Variants in BCO2 observed in about 807,000 individuals in gnomAD.
The protein encoded by BCO2 is carotenoid-cleaving dioxygenase, mitochondrial.
BCO2 carries 56 observed loss-of-function variants against 65.8 expected under a neutral mutation model. That is an observed-to-expected ratio of 0.85 (90% CI 0.69 to 1.06). The LOEUF is 1.06. Among genes scored for constraint, BCO2 ranks in the 50% least tolerant of loss-of-function variants. The probability of loss-of-function intolerance (pLI) is 0.00; values close to 1 mark genes in which losing one functional copy is unlikely to be tolerated. For synonymous variants in BCO2, 233 were observed against 242.3 expected (o/e 0.96, Z 0.36); for missense variants, 675 against 698.5 (o/e 0.97, Z 0.38).
intron 11 of BCO2, 56 bp from the exon 12 acceptor site, chr11:112,217,705 C>G: frequency 1.5e-6 from 2 of 1,326,792 alleles, no homozygotes; most frequent in South Asian, 2.5e-5. Flanking sequence ...GTGGAGGAGA[C>G]AGGCAAATTT....
chr11:112,182,769 G>A, intron 2 of BCO2: 2 of 597,950 alleles, frequency 3.3e-6, no homozygotes, highest in Non-Finnish European at 5.8e-6. Flanking sequence ...GAGTTAATGG[G>A]TGCAGCACAC....
intron 5 of BCO2, among the ~76,000 whole-genome samples, chr11:112,199,100 C>T (rs1279522769): frequency 6.6e-6 from 1 of 151,956 alleles, no homozygotes; most frequent in Non-Finnish European, 1.5e-5. Flanking sequence ...TAATGCTATC[C>T]CTCCCCTAGC....
chr11:112,193,647 A>G lies in BCO2; in HGVS notation c.467A>G (p.Asn156Ser). ...CTGGCTCTCCCGGATCCATGCAAGA[A>G]TGTTTTTGAACGTTTCATGTCCAGG... ...GTLALPDPCK[N>S]VFERFMSRFE... is the part of the protein sequence containing the mutation. Residue 156 changes from asparagine (N) to serine (S), a missense_variant, in exon 3 of 12, where the codon AAT becomes AGT. Coordinates refer to ENST00000357685, the MANE Select transcript of BCO2 (RefSeq NM_031938.7). The G allele has an allele frequency of 6.2e-7, 1 of 1,614,200 alleles. No homozygotes were observed. Among genetic ancestry groups the G allele is most frequent in the East Asian group, 2.2e-5 (1 of 44,888 alleles).
intron 8 of BCO2, among the ~76,000 whole-genome samples, chr11:112,206,550 G>A (rs1018987867): frequency 1.3e-5 from 2 of 152,192 alleles, no homozygotes; most frequent in Admixed American, 6.5e-5. Flanking sequence ...CTTGAGCCCA[G>A]CAGTTCAAGA....
intron 8 of BCO2, among the ~76,000 whole-genome samples, chr11:112,204,351 A>G (rs1867813444): frequency 6.6e-6 from 1 of 152,184 alleles, no homozygotes; most frequent in Admixed American, 6.5e-5. Context: ...ACTGTTATGA[A>G]TAATGCTACA....
Position 112,177,251 on chromosome 11 carries a change from T to G in BCO2, c.88+1562T>G, listed in dbSNP as rs191258271. ...CCTGAGAGTTTCCTTCTCTATCTTT[T>G]CAAAGCATCCTCTTTGTACTTCTGA... On this transcript the variant is annotated intron_variant, in intron 1 of 11. Coordinates refer to ENST00000357685, the MANE Select transcript of BCO2 (RefSeq NM_031938.7). Among the ~76,000 whole-genome samples the G allele has an allele frequency of 1.3e-3, 205 of 152,328 alleles. 1 individual carries two copies. The highest frequency in any genetic ancestry group is 4.6e-3 in the African/African-American group (192 of 41,576).
Position 112,179,267 on chromosome 11 carries a change from C to T in BCO2, c.89-11C>T, listed in dbSNP as rs1297656930. The T allele has an allele frequency of 6.2e-7, 1 of 1,613,470 alleles. No homozygotes were observed. Among genetic ancestry groups the T allele is most frequent in the South Asian group, 1.1e-5 (1 of 91,066 alleles). On this transcript the variant is annotated splice_polypyrimidine_tract_variant and intron_variant, in intron 1 of 11. Transcript: ENST00000357685. The stretch of plus-strand genomic sequence containing the variant: ...AAAATATTTTTTGTGCTTTTGGTTT[C>T]CTCTGCACAGTTTTCAAAAGGTACA...
intron 5 of BCO2, among the ~76,000 whole-genome samples, chr11:112,195,697 G>C (rs2135373073): frequency 6.6e-6 from 1 of 152,238 alleles, no homozygotes; most frequent in East Asian, 1.9e-4. Flanking sequence ...GTCTGCCTCG[G>C]TCTCCCAAAG....
chr11:112,212,367 A>T (rs993065830), intron 8 of BCO2, among the ~76,000 whole-genome samples: 1 of 152,226 alleles, frequency 6.6e-6, no homozygotes, highest in Admixed American at 6.5e-5. Context: ...CAGGCGAGGT[A>T]GCTCACGCCT....
intron 2 of BCO2, chr11:112,180,740 G>A (rs772802437): frequency 1.2e-6 from 1 of 835,876 alleles, no homozygotes; most frequent in Non-Finnish European, 2.1e-6. Flanking sequence ...TGGGAGGGTG[G>A]TGGCCCACTC....
intron 9 of BCO2, 90 bp from the exon 10 acceptor site, chr11:112,214,672 C>T: frequency 4.7e-6 from 5 of 1,072,146 alleles, no homozygotes; most frequent in South Asian, 1.5e-5. Flanking sequence ...TGTCACAAAC[C>T]TTTATAGGGT....
At position 112,210,657 on chromosome 11, in the gene BCO2, C is replaced by T. The variant is rs575637729; in HGVS notation, c.1195-3067C>T. On this transcript the variant is annotated intron_variant, in intron 8 of 11. Transcript: ENST00000357685. ...TGGCTATACCCTTATCAAAAAGTAG[C>T]GTGAAGGATCCTTGTGGTGATGGAT... 1.5e-4 allele frequency among the ~76,000 whole-genome samples: 23 copies of T among 152,062 alleles called. 1 individual carries two copies. Among genetic ancestry groups the T allele is most frequent in the African/African-American group, 4.3e-4 (18 of 41,484 alleles).
intron 7 of BCO2, among the ~76,000 whole-genome samples, chr11:112,201,556 A>G (rs559969683): frequency 1.3e-5 from 2 of 152,262 alleles, no homozygotes; most frequent in African/African-American, 4.8e-5. Context: ...ATATTTGCCT[A>G]CTTTTTACCT....
chr11:112,199,523 T>C (rs1429862278), intron 5 of BCO2, among the ~76,000 whole-genome samples, 176 bp from the exon 6 acceptor site: 1 of 152,222 alleles, frequency 6.6e-6, no homozygotes, highest in Non-Finnish European at 1.5e-5. Flanking sequence ...ATTATTTTCA[T>C]AGAGCTAACA....
chr11:112,199,184 C>G (rs1321068372), intron 5 of BCO2, among the ~76,000 whole-genome samples: 6 of 151,980 alleles, frequency 3.9e-5, no homozygotes, highest in Non-Finnish European at 8.8e-5. Context: ...GTTCAACTCC[C>G]ACTTATGAGT....
At chr11:112,180,110 T>A (rs974241499) in intron 2 of BCO2, among the ~76,000 whole-genome samples, 2 of 152,256 alleles carry the variant, frequency 1.3e-5, no homozygotes, top group Non-Finnish European at 2.9e-5. Context: ...TATTTGCTTT[T>A]AACCTACATA....
At chr11:112,204,899 A>G (rs1263752789) in intron 8 of BCO2, among the ~76,000 whole-genome samples, 1 of 152,210 alleles carries the variant, frequency 6.6e-6, no homozygotes, top group Non-Finnish European at 1.5e-5. Context: ...TCCTGACCTC[A>G]GATGATCTGC....
chr11:112,184,713 G>T (rs1329543752), intron 2 of BCO2, among the ~76,000 whole-genome samples: 2 of 151,420 alleles, frequency 1.3e-5, no homozygotes, highest in Non-Finnish European at 2.9e-5. Context: ...ACAAATTTTA[G>T]CCCAATTTTC....
chr11:112,175,729 C>T lies in BCO2; in HGVS notation c.88+40C>T, dbSNP rs543226302. ...CCTTTCTCTTCCTCATCCTCCTCTT[C>T]TTGCCAGTCTGCGCTTAGAATTCTG... On this transcript the variant is annotated intron_variant, in intron 1 of 11. Transcript: ENST00000357685. The T allele has an allele frequency of 6.5e-6, 10 of 1,528,120 alleles. No individual in the cohort carries two copies. In the African/African-American group the frequency reaches 1.4e-4, roughly 21 times the overall value. 94.7% of individuals were successfully genotyped at this position (1,528,120 alleles called of 1,614,324 possible).
Sources: allele counts gnomAD v4.1 joint callset (sites outside exome capture counted in the v4.1 genomes callset), GRCh38; gene constraint gnomAD v4.1.1; transcripts MANE v1.5; gene names NCBI Gene and HGNC (gene_info 2026-07-23, HGNC 2026-07-21).